NRG3: variants seen among roughly 807,000 people sequenced by gnomAD.
NRG3 encodes neuregulin 3.
Under a neutral mutation model 66.9 loss-of-function variants are expected in NRG3, and 31 were observed. The observed-to-expected ratio is 0.46, with a 90% CI of 0.35 to 0.63. The LOEUF (loss-of-function observed/expected upper bound fraction) is 0.63, where lower values mean the gene tolerates loss of function less well. NRG3 is among the 20% of genes least tolerant of loss of function. The pLI is 0.00. For missense variants in NRG3, 910 were observed against 878.9 expected, an observed-to-expected ratio of 1.04 and a Z score of -0.45; for synonymous variants, 393 against 359.4, an observed-to-expected ratio of 1.09 and a Z score of -1.06.
chr10:82,746,079 A>T (rs1467117178), intron 3 of NRG3, among the ~76,000 whole-genome samples: 1 of 152,210 alleles, frequency 6.6e-6, no homozygotes, highest in Admixed American at 6.5e-5. Flanking sequence ...GTTTATAAGG[A>T]CAGGGTCTTG....
At chr10:81,929,864 A>T (rs1847171847) in intron 1 of NRG3, among the ~76,000 whole-genome samples, 1 of 152,306 alleles carries the variant, frequency 6.6e-6, no homozygotes, top group South Asian at 2.1e-4. Flanking sequence ...TATGTGTTTA[A>T]TTGGGTTCAT....
At chr10:82,762,204 T>G (rs940599520) in intron 3 of NRG3, among the ~76,000 whole-genome samples, 5 of 151,820 alleles carry the variant, frequency 3.3e-5, no homozygotes, top group Non-Finnish European at 7.4e-5. Flanking sequence ...CCCAGGCTGG[T>G]CTCAAACTTC....
chr10:82,367,876 T>A (rs956920778), intron 2 of NRG3, among the ~76,000 whole-genome samples: 1 of 152,110 alleles, frequency 6.6e-6, no homozygotes, highest in African/African-American at 2.4e-5. Flanking sequence ...ATGCCTGTAA[T>A]CTCAGCTACT....
intron 2 of NRG3, among the ~76,000 whole-genome samples, chr10:82,413,546 C>G (rs2088286939): frequency 6.6e-6 from 1 of 152,094 alleles, no homozygotes; most frequent in African/African-American, 2.4e-5. Context: ...CTTAAAGTAA[C>G]CAGCTGCATT....
At chr10:81,995,103 T>C (rs888272608) in intron 1 of NRG3, among the ~76,000 whole-genome samples, 1 of 152,176 alleles carries the variant, frequency 6.6e-6, no homozygotes, top group African/African-American at 2.4e-5. Flanking sequence ...CCTGCAGTTT[T>C]CTCTTTCATT....
intron 1 of NRG3, among the ~76,000 whole-genome samples, chr10:82,247,053 A>G (rs1017087543): frequency 6.6e-6 from 1 of 152,198 alleles, no homozygotes; most frequent in South Asian, 2.1e-4. Flanking sequence ...TGCAGAAATT[A>G]AAAGGAGGCT....
At chr10:82,963,974 A>C (rs992984250) in intron 6 of NRG3, among the ~76,000 whole-genome samples, 4 of 152,252 alleles carry the variant, frequency 2.6e-5, no homozygotes, top group African/African-American at 7.2e-5. Context: ...TGCAGGGAGT[A>C]GGTCAGAAGA....
At chr10:81,983,478 G>A (rs944375344) in intron 1 of NRG3, among the ~76,000 whole-genome samples, 1 of 152,078 alleles carries the variant, frequency 6.6e-6, no homozygotes, top group African/African-American at 2.4e-5. Flanking sequence ...CTTTTGGAAT[G>A]TATTTTTGTG....
intron 2 of NRG3, among the ~76,000 whole-genome samples, chr10:82,503,879 T>G (rs1844426154): frequency 1.3e-5 from 2 of 152,174 alleles, no homozygotes; most frequent in Admixed American, 1.3e-4. Flanking sequence ...CACTTCATGC[T>G]TTTGAACTAA....
At chr10:81,888,219 C>T (rs561108486) in intron 1 of NRG3, among the ~76,000 whole-genome samples, 2 of 152,160 alleles carry the variant, frequency 1.3e-5, no homozygotes, top group African/African-American at 2.4e-5. Flanking sequence ...CATGCAAACA[C>T]CCACATTCCC....
At chr10:81,877,700 A>G (rs1841799677) in intron 1 of NRG3, 9 of 1,313,888 alleles carry the variant, frequency 6.8e-6, no homozygotes, top group African/African-American at 1.5e-5. Flanking sequence ...GAAGGAGGGA[A>G]GGAAGGAATC....
intron 1 of NRG3, among the ~76,000 whole-genome samples, chr10:82,030,489 A>G (rs773575665): frequency 3.9e-5 from 6 of 152,096 alleles, no homozygotes; most frequent in Non-Finnish European, 8.8e-5. Context: ...GTAGTTACAC[A>G]TAAGACATGT....
intron 2 of NRG3, among the ~76,000 whole-genome samples, chr10:82,668,016 G>T (rs531470320): frequency 3.6e-4 from 55 of 152,186 alleles, no homozygotes; most frequent in African/African-American, 1.2e-3. Context: ...GCTCACCAAC[G>T]CAGTTTTTCA....
chr10:82,336,202 C>G (rs1404328159), intron 1 of NRG3, among the ~76,000 whole-genome samples: 1 of 150,940 alleles, frequency 6.6e-6, no homozygotes, highest in East Asian at 1.9e-4. Context: ...TAGGTGTGTA[C>G]CAAAAAAAAA....
chr10:82,402,823 T>G (rs1458897912), intron 2 of NRG3, among the ~76,000 whole-genome samples: 2 of 152,162 alleles, frequency 1.3e-5, no homozygotes, highest in Non-Finnish European at 2.9e-5. Context: ...CCAGCAAAAA[T>G]TGATCACTGT....
intron 2 of NRG3, among the ~76,000 whole-genome samples, chr10:82,725,068 G>T (rs2057521768): frequency 1.3e-5 from 2 of 152,062 alleles, no homozygotes; most frequent in South Asian, 2.1e-4. Flanking sequence ...GTGATTTTAG[G>T]TTATCATTGC....
chr10:82,080,904 C>T (rs1460282170), intron 1 of NRG3, among the ~76,000 whole-genome samples: 1 of 152,146 alleles, frequency 6.6e-6, no homozygotes, highest in East Asian at 1.9e-4. Context: ...TTCTTTCTTC[C>T]TTCCCTCCCC....
chr10:82,629,092 A>G (rs755508502), intron 2 of NRG3, among the ~76,000 whole-genome samples: 1 of 152,186 alleles, frequency 6.6e-6, no homozygotes, highest in Non-Finnish European at 1.5e-5. Context: ...CTACTGAAAG[A>G]TAAATCAGTT....
chr10:82,071,202 T>C (rs1481737475), intron 1 of NRG3, among the ~76,000 whole-genome samples: 1 of 152,112 alleles, frequency 6.6e-6, no homozygotes, highest in Non-Finnish European at 1.5e-5. Context: ...ACACAGGTGA[T>C]CCAGCAGTGG....
Sources: allele counts gnomAD v4.1 joint callset (sites outside exome capture counted in the v4.1 genomes callset), GRCh38; gene constraint gnomAD v4.1.1; transcripts MANE v1.5; gene names NCBI Gene and HGNC (gene_info 2026-07-23, HGNC 2026-07-21).